Variants in TENM3 observed in about 807,000 individuals in gnomAD.
The protein encoded by TENM3 is teneurin-3.
Under a neutral mutation model 255.1 loss-of-function variants are expected in TENM3, and 63 were observed. The observed-to-expected ratio is 0.25, with a 90% confidence interval of 0.20 to 0.30. The LOEUF (loss-of-function observed/expected upper bound fraction) is 0.30. TENM3 is among the 10% of genes least tolerant of loss of function. The pLI is 1.00. For synonymous variants in TENM3, 1,306 were observed against 1,322.3 expected, an observed-to-expected ratio of 0.99 and a Z score of 0.27; for missense variants, 2,929 against 3,461.1, an observed-to-expected ratio of 0.85 and a Z score of 3.86.
At chr4:181,873,741 G>GGTGT in the TENM3 span, among the ~76,000 whole-genome samples, 307 of 148,868 alleles carry the variant, frequency 2.1e-3, 1 homozygote, top group African/African-American at 7.3e-3. Context: ...TCTTGAGTAT[G>GGTGT]GTGTGTGTGT....
In TENM3 at chr4:182,600,955, C is replaced by T. The variant is rs190272851; in HGVS notation, c.543C>T (p.Thr181=). The T allele has an allele frequency of 4.4e-6, 7 of 1,599,536 alleles. No individual in the cohort carries two copies. Among genetic ancestry groups the T allele is most frequent in the African/African-American group, 4.2e-5 (3 of 72,004 alleles). The change falls in exon 4 of 28, where the codon ACC becomes ACT. Residue 181 remains threonine, a synonymous_variant. Coordinates refer to ENST00000511685, the MANE Select transcript of TENM3 (RefSeq NM_001080477.4). ...EQPASNQGQS[T]LQPLPPSHKQ... ...CTGCAAGCAATCAAGGCCAGTCTAC[C>T]CTGCAGCCCTTGCCGCCTTCCCATA...
At chr4:181,448,015 C>A in the TENM3 span, among the ~76,000 whole-genome samples, 5 of 151,758 alleles carry the variant, frequency 3.3e-5, no homozygotes, top group Non-Finnish European at 7.4e-5. Flanking sequence ...AATGGAAACT[C>A]GCAAGCAGAG....
At chr4:182,634,803 C>G (rs1751706229) in intron 5 of TENM3, among the ~76,000 whole-genome samples, 1 of 151,794 alleles carries the variant, frequency 6.6e-6, no homozygotes, top group Non-Finnish European at 1.5e-5. Context: ...CGTCTGTTCA[C>G]CGTTACACGA....
chr4:181,865,589 G>T, the TENM3 span, among the ~76,000 whole-genome samples: 35 of 152,320 alleles, frequency 2.3e-4, no homozygotes, highest in East Asian at 6.4e-3. Flanking sequence ...GGGGCTGAAG[G>T]CCCACTAAAG....
chr4:182,360,790 T>A (rs1765913301), intron 3 of TENM3, among the ~76,000 whole-genome samples: 2 of 152,152 alleles, frequency 1.3e-5, no homozygotes, highest in Non-Finnish European at 2.9e-5. Flanking sequence ...ATTTTGCTCG[T>A]TAGTTGATGC....
At chr4:181,561,414 G>A in the TENM3 span, among the ~76,000 whole-genome samples, 12,011 of 152,168 alleles carry the variant, frequency 0.079, 505 homozygotes, top group South Asian at 0.11. Context: ...GTGAGTAGTT[G>A]GATTTTTGTT....
At chr4:181,642,230 G>A in the TENM3 span, among the ~76,000 whole-genome samples, 2 of 149,676 alleles carry the variant, frequency 1.3e-5, no homozygotes, top group East Asian at 4.1e-4. Context: ...CAGTGATGAT[G>A]ATTTTTTTTC....
chr4:182,636,998 C>T (rs1243370407), intron 5 of TENM3, among the ~76,000 whole-genome samples: 3 of 152,236 alleles, frequency 2.0e-5, no homozygotes, highest in Middle Eastern at 3.4e-3. Context: ...TTTACTGCTA[C>T]GTTGCATAAA....
intron 1 of TENM3, among the ~76,000 whole-genome samples, chr4:182,253,548 T>TA (rs1431651802): frequency 2.6e-5 from 4 of 152,210 alleles, no homozygotes; most frequent in African/African-American, 9.6e-5. Context: ...TCAGGCTGAA[T>TA]AGACCACTTT....
chr4:182,091,601 C>A, the TENM3 span, among the ~76,000 whole-genome samples: 1 of 152,172 alleles, frequency 6.6e-6, no homozygotes, highest in African/African-American at 2.4e-5. Flanking sequence ...AGCAGGATGG[C>A]TGGTGTTGGT....
At chr4:182,117,403 C>T in the TENM3 span, among the ~76,000 whole-genome samples, 1 of 152,226 alleles carries the variant, frequency 6.6e-6, no homozygotes, top group East Asian at 1.9e-4. Flanking sequence ...GAGATTTTCT[C>T]TTGTGTTATC....
At chr4:181,579,954 ATTT>A in the TENM3 span, among the ~76,000 whole-genome samples, 2 of 40,332 alleles carry the variant, frequency 5.0e-5, no homozygotes, top group Non-Finnish European at 9.6e-5. Context: ...ATTTTATTTT[ATTT>A]TATTTTATTT....
intron 3 of TENM3, among the ~76,000 whole-genome samples, chr4:182,542,568 G>A (rs1344951862): frequency 6.6e-6 from 1 of 152,104 alleles, no homozygotes; most frequent in Non-Finnish European, 1.5e-5. Flanking sequence ...TATACTGAGA[G>A]CACAATTCTT....
chr4:182,775,022 G>T lies in TENM3; in HGVS notation c.5173G>T (p.Gly1725Cys). The change falls in exon 24 of 28, where the codon GGC (glycine) becomes TGC (cysteine). Residue 1725 changes from glycine to cysteine, a missense_variant. By Grantham distance (159) the Gly-to-Cys change is radical. Transcript: ENST00000511685. ...CCAAACAGAGCCGCACGTTCTGGCT[G>T]GCACCGCTAATCCGACGGTTGCCAA... ...HYQTEPHVLA[G>C]TANPTVAKRN... 1 of 1,613,992 alleles carries T rather than the reference G, an allele frequency of 6.2e-7. No homozygotes were observed. The highest frequency in any genetic ancestry group is 1.7e-5 in the Admixed American group (1 of 60,028).
chr4:181,819,861 C>G, the TENM3 span, among the ~76,000 whole-genome samples: 1 of 152,152 alleles, frequency 6.6e-6, no homozygotes, highest in East Asian at 1.9e-4. Context: ...AGTACCATTT[C>G]CTGGCCCAGG....
the TENM3 span, among the ~76,000 whole-genome samples, chr4:181,817,922 G>C: frequency 6.6e-6 from 1 of 152,190 alleles, no homozygotes; most frequent in African/African-American, 2.4e-5. Context: ...ACTCCCTGTA[G>C]GCAGGGGTTT....
At chr4:182,426,250 C>T (rs113107931) in intron 3 of TENM3, among the ~76,000 whole-genome samples, 24 of 151,896 alleles carry the variant, frequency 1.6e-4, no homozygotes, top group African/African-American at 4.6e-4. Context: ...TAATTGGTTG[C>T]GTGGGTAGCT....
At chr4:181,829,649 AG>A in the TENM3 span, among the ~76,000 whole-genome samples, 1 of 152,212 alleles carries the variant, frequency 6.6e-6, no homozygotes, top group Non-Finnish European at 1.5e-5. Flanking sequence ...CAGGCGAGGT[AG>A]GGAGGAAAGT....
chr4:181,703,982 C>A, the TENM3 span, among the ~76,000 whole-genome samples: 2 of 152,048 alleles, frequency 1.3e-5, no homozygotes, highest in South Asian at 2.1e-4. Flanking sequence ...TGTCCAGGAA[C>A]GGAATGACAC....
Sources: gnomAD v4.1 joint callset for allele counts (sites outside exome capture counted in the v4.1 genomes callset) on GRCh38, gnomAD v4.1.1 for gene constraint, MANE v1.5 for transcripts, NCBI Gene and HGNC (gene_info 2026-07-23, HGNC 2026-07-21) for gene names.